Variants in FBXO31 observed in about 807,000 individuals in gnomAD.
FBXO31 encodes F-box protein 31, also known as F-box only protein 31.
Under a neutral mutation model 54.4 loss-of-function variants are expected in FBXO31, and 24 were observed. That is an observed-to-expected ratio of 0.44 (90% CI 0.32 to 0.62). The LOEUF is 0.62. Ranked by LOEUF, FBXO31 falls within the 20% of genes least tolerant of loss-of-function variation. FBXO31 has a pLI of 0.05. For missense variants in FBXO31, 665 were observed against 787.1 expected (o/e 0.84, Z 1.86); for synonymous variants, 388 against 335.6 (o/e 1.16, Z -1.71).
Position 87,383,506 on chromosome 16 carries a change from G to C in FBXO31, c.239C>G (p.Ala80Gly). ...GGGTAGGTCCGTGCCCGGCAGCGAC[G>C]CGAAGATCTCCACCAGCAGCTCGGG... Reference protein sequence around the residue: ...LPPELLVEIFASLPGTDLPSL... With the variant: ...LPPELLVEIFGSLPGTDLPSL... Residue 80 changes from alanine to glycine, a missense_variant, in exon 1 of 9, where the codon GCG becomes GGG. This residue lies in a region of FBXO31 where 195 missense variants were observed against 174.8 expected (regional missense o/e 1.12). Transcript: ENST00000311635. This position sits in a 1 kb window ranked among gnomAD's most constrained non-coding sequence, Gnocchi z 4.9. 1 of 1,586,274 alleles carries C rather than the reference G, an allele frequency of 6.3e-7. No homozygotes were observed. Among genetic ancestry groups the C allele is most frequent in the Non-Finnish European group, 8.5e-7 (1 of 1,170,238 alleles).
intron 1 of FBXO31, among the ~76,000 whole-genome samples, chr16:87,380,308 A>AAG (rs1907020773): frequency 6.6e-6 from 1 of 151,898 alleles, no homozygotes; most frequent in African/African-American, 2.4e-5. Flanking sequence ...AAAAAAAAAA[A>AAG]AAAAAAAGAC....
chr16:87,340,598 G>C (rs1905161513), intron 5 of FBXO31, among the ~76,000 whole-genome samples: 1 of 152,220 alleles, frequency 6.6e-6, no homozygotes, highest in African/African-American at 2.4e-5. Context: ...GCTTCAGGGA[G>C]AGATCTCAGG....
At chr16:87,369,696 A>G (rs539477983) in intron 1 of FBXO31, among the ~76,000 whole-genome samples, 6 of 152,198 alleles carry the variant, frequency 3.9e-5, no homozygotes, top group African/African-American at 1.4e-4. Flanking sequence ...CCAGAAGGAG[A>G]CTTTTTAGAT....
chr16:87,352,832 T>G (rs903639599), intron 2 of FBXO31, among the ~76,000 whole-genome samples: 11 of 152,198 alleles, frequency 7.2e-5, no homozygotes, highest in Non-Finnish European at 1.5e-4. Flanking sequence ...AATGGGAAAG[T>G]ACCGTGAAAG....
At chr16:87,341,007 A>C (rs894984791) in intron 5 of FBXO31, among the ~76,000 whole-genome samples, 1 of 152,162 alleles carries the variant, frequency 6.6e-6, no homozygotes, top group Admixed American at 6.5e-5. Flanking sequence ...ACAGTTCATG[A>C]AACAGTTCAT....
rs1374311066 is a variant in FBXO31, at chr16:87,335,751, G to A, written c.843-294C>T. Reference sequence around the variant, plus strand: ...AAGTGCCAGTTTGCTCCATTACCCAGGAGAAAGGAGCCCAAGTCACCATGG... The same window carrying A: ...AAGTGCCAGTTTGCTCCATTACCCAAGAGAAAGGAGCCCAAGTCACCATGG... On this transcript the variant is annotated intron_variant, in intron 6 of 8. Transcript: ENST00000311635. The surrounding 1 kb of genome is among the most constrained non-coding windows in gnomAD (Gnocchi z 5.7). 3.3e-5 allele frequency among the ~76,000 whole-genome samples: 5 copies of A among 152,170 alleles called. No individual in the cohort carries two copies. The East Asian group carries it at 9.6e-4, about 29-fold the overall frequency.
chr16:87,380,110 C>T (rs1212426641), intron 1 of FBXO31, among the ~76,000 whole-genome samples: 1 of 150,716 alleles, frequency 6.6e-6, no homozygotes, highest in African/African-American at 2.4e-5. Flanking sequence ...CCATTCTGGC[C>T]AACACGGTGA....
At chr16:87,359,808 G>C (rs1260251235) in intron 2 of FBXO31, among the ~76,000 whole-genome samples, 1 of 152,186 alleles carries the variant, frequency 6.6e-6, no homozygotes, top group African/African-American at 2.4e-5. Flanking sequence ...CTGGAAAGCG[G>C]GTGAACCAGA....
chr16:87,360,549 A>G (rs1006177773), intron 1 of FBXO31, among the ~76,000 whole-genome samples, 183 bp from the exon 2 acceptor site: 26 of 152,354 alleles, frequency 1.7e-4, no homozygotes, highest in African/African-American at 6.0e-4. Context: ...TTGTTCACCG[A>G]TGAAGACATT....
At chr16:87,355,359 G>C (rs1361551025) in intron 2 of FBXO31, among the ~76,000 whole-genome samples, 4 of 152,212 alleles carry the variant, frequency 2.6e-5, no homozygotes, top group Admixed American at 2.6e-4. Context: ...GATGCTGTGA[G>C]AGAACAAATT....
chr16:87,377,951 A>C (rs1597379484), intron 1 of FBXO31, among the ~76,000 whole-genome samples: 1 of 152,104 alleles, frequency 6.6e-6, no homozygotes, highest in Admixed American at 6.5e-5. Context: ...TGAGGTTGGG[A>C]GTTCGAGACC....
At chr16:87,350,423 A>G (rs1280725943) in intron 2 of FBXO31, among the ~76,000 whole-genome samples, 1 of 152,186 alleles carries the variant, frequency 6.6e-6, no homozygotes, top group Non-Finnish European at 1.5e-5. Context: ...CCCTTTAGGA[A>G]CAATCCTGAG....
exon 1 of FBXO31, chr16:87,389,763 A>G (rs1486121882): frequency 2.6e-5 from 4 of 152,208 alleles, no homozygotes; most frequent in Non-Finnish European, 5.9e-5. Context: ...TTTTCACAGA[A>G]TACAAACCAA....
intron 1 of FBXO31, among the ~76,000 whole-genome samples, chr16:87,361,547 T>C (rs1906133468): frequency 6.6e-6 from 1 of 152,178 alleles, no homozygotes; most frequent in Non-Finnish European, 1.5e-5. Context: ...CCCAGTGAAG[T>C]TGATGGCCAT....
intron 2 of FBXO31, among the ~76,000 whole-genome samples, chr16:87,349,588 G>C (rs976792931): frequency 6.6e-6 from 1 of 152,162 alleles, no homozygotes; most frequent in African/African-American, 2.4e-5. Flanking sequence ...GCAAGTGCCT[G>C]TAATCCCAGC....
At chr16:87,369,242 G>A (rs993356197) in intron 1 of FBXO31, among the ~76,000 whole-genome samples, 1 of 151,960 alleles carries the variant, frequency 6.6e-6, no homozygotes, top group Non-Finnish European at 1.5e-5. Flanking sequence ...GGCTCACGGG[G>A]ACTCAGCACC....
chr16:87,348,667 G>T (rs953993351), intron 2 of FBXO31, among the ~76,000 whole-genome samples: 17 of 152,290 alleles, frequency 1.1e-4, no homozygotes, highest in African/African-American at 3.9e-4. Context: ...CACCCATCTG[G>T]GTCGCTGGAA....
At chr16:87,369,826 GAC>G (rs906710592) in intron 1 of FBXO31, among the ~76,000 whole-genome samples, 4 of 151,868 alleles carry the variant, frequency 2.6e-5, no homozygotes, top group African/African-American at 7.3e-5. Flanking sequence ...TCAGCCAGGC[GAC>G]AGACTGAGAC....
intron 5 of FBXO31, among the ~76,000 whole-genome samples, chr16:87,340,393 C>T (rs1461290759): frequency 2.6e-5 from 4 of 152,188 alleles, no homozygotes; most frequent in African/African-American, 7.2e-5. Context: ...TACAGGGTAA[C>T]CTAGGACAAA....
Sources: gnomAD v4.1 joint callset for allele counts (sites outside exome capture counted in the v4.1 genomes callset) on GRCh38, gnomAD v4.1.1 for gene constraint, gnomAD v4.1.1 regional missense constraint, Gnocchi (gnomAD v3.1) non-coding constraint, MANE v1.5 for transcripts, NCBI Gene and HGNC (gene_info 2026-07-23, HGNC 2026-07-21) for gene names.